Variants in GULP1 observed in about 807,000 individuals in gnomAD.
GULP1 encodes the protein PTB domain-containing engulfment adapter protein 1.
GULP1 carries 19 observed loss-of-function variants against 40.9 expected under a neutral mutation model. That is an observed-to-expected ratio of 0.46 (90% confidence interval 0.32 to 0.68). GULP1 has a LOEUF of 0.68. GULP1 is among the 30% of genes least tolerant of loss of function. The pLI is 0.03. For synonymous variants in GULP1, 119 were observed against 117.6 expected (o/e 1.01, Z -0.08); for missense variants, 312 against 362.2 (o/e 0.86, Z 1.12).
At chr2:188,563,443 A>C (rs1163939830) in intron 7 of GULP1, among the ~76,000 whole-genome samples, 1 of 150,880 alleles carries the variant, frequency 6.6e-6, no homozygotes, top group Non-Finnish European at 1.5e-5. Flanking sequence ...TACCAAATTG[A>C]CAGAAAAGAA....
rs962479903 is a variant in GULP1 at position 188,595,487 on chromosome 2, A to G, written c.*1476A>G. 8 of 152,104 alleles carry G rather than the reference A, an allele frequency of 5.3e-5. No homozygotes were observed. The highest frequency in any genetic ancestry group is 2.0e-4 in the Admixed American group (3 of 15,182). The allele number at this position is 152,104 out of a possible 1,614,324, so 9.4% of individuals were successfully genotyped here. A position where few individuals can be genotyped will look rare whatever the true frequency, so the allele number is the denominator to read the frequency against. On this transcript the variant is annotated 3_prime_UTR_variant, in exon 12 of 12. Transcript: ENST00000409830. Reference sequence around the variant, plus strand: ...CTTGTTTAGTTTCTTTTATCTGCTAAGTTGTACCTTAATTAGAGGGCAATA... The same window carrying G: ...CTTGTTTAGTTTCTTTTATCTGCTAGGTTGTACCTTAATTAGAGGGCAATA...
chr2:188,322,810 A>G (rs2040182057), intron 1 of GULP1, among the ~76,000 whole-genome samples: 1 of 152,030 alleles, frequency 6.6e-6, no homozygotes, highest in Admixed American at 6.6e-5. Context: ...TTGGCCTTCA[A>G]TACCTCTTGC....
At chr2:188,488,127 A>G (rs1253541199) in intron 4 of GULP1, among the ~76,000 whole-genome samples, 1 of 152,038 alleles carries the variant, frequency 6.6e-6, no homozygotes, top group Admixed American at 6.6e-5. Context: ...CCTGCCCAAT[A>G]GTAATCCTAG....
intron 2 of GULP1, among the ~76,000 whole-genome samples, chr2:188,385,425 A>AT (rs1559177509): frequency 6.6e-6 from 1 of 151,868 alleles, no homozygotes; most frequent in African/African-American, 2.4e-5. Context: ...CCAGGAAATC[A>AT]TTTTTTCCTC....
In GULP1 at chr2:188,536,586, A is replaced by G. The variant is rs146750221; in HGVS notation, c.262-4595A>G. 8.4e-3 allele frequency among the ~76,000 whole-genome samples: 1,285 copies of G among 152,080 alleles called. 24 individuals carry two copies. The highest frequency in any genetic ancestry group is 0.03 in the African/African-American group (1,230 of 41,534). Reference sequence around the variant, plus strand: ...CCAGTACCATGCTTTTTTGGTTACTATAGCCTTATAGTACAGTCATCGGGT... The same window carrying G: ...CCAGTACCATGCTTTTTTGGTTACTGTAGCCTTATAGTACAGTCATCGGGT... On this transcript the variant is annotated intron_variant, in intron 6 of 11. Coordinates refer to ENST00000409830, the MANE Select transcript of GULP1 (RefSeq NM_016315.4).
chr2:188,428,552 G>A (rs769878660), intron 2 of GULP1, among the ~76,000 whole-genome samples: 1 of 152,088 alleles, frequency 6.6e-6, no homozygotes, highest in Non-Finnish European at 1.5e-5. Context: ...TTTTTCACAA[G>A]AGCTGGTTGT....
chr2:188,446,792 G>A (rs1215631834), intron 2 of GULP1, among the ~76,000 whole-genome samples: 1 of 152,172 alleles, frequency 6.6e-6, no homozygotes, highest in African/African-American at 2.4e-5. Flanking sequence ...TAATGATGTA[G>A]TGGTATTTCT....
chr2:188,578,841 A>G (rs889295912), intron 9 of GULP1, among the ~76,000 whole-genome samples: 1 of 152,110 alleles, frequency 6.6e-6, no homozygotes, highest in African/African-American at 2.4e-5. Context: ...CCAAAATAAA[A>G]TTCCTCAAAC....
chr2:188,540,436 A>ATATC (rs386392111), intron 6 of GULP1, among the ~76,000 whole-genome samples: 1 of 149,614 alleles, frequency 6.7e-6, no homozygotes, highest in African/African-American at 2.5e-5. Flanking sequence ...ATAATTTAAT[A>ATATC]TGTGTGTGTG....
intron 1 of GULP1, among the ~76,000 whole-genome samples, chr2:188,328,316 G>A (rs2041048847): frequency 6.6e-6 from 1 of 151,942 alleles, no homozygotes; most frequent in Non-Finnish European, 1.5e-5. Flanking sequence ...TTCCCTTTCA[G>A]GAAAATGAAG....
chr2:188,383,933 A>C (rs2049326289), intron 2 of GULP1, 44 bp downstream of exon 2: 1 of 152,158 alleles, frequency 6.6e-6, no homozygotes, highest in South Asian at 2.1e-4. Context: ...TATTTCCAAA[A>C]AGGACTTGAA....
chr2:188,392,785 C>T (rs951785577), intron 2 of GULP1, among the ~76,000 whole-genome samples: 4 of 151,848 alleles, frequency 2.6e-5, no homozygotes, highest in African/African-American at 7.2e-5. Flanking sequence ...TAACTTATGT[C>T]GCTATTATGC....
At chr2:188,454,811 C>G (rs1467824787) in intron 2 of GULP1, among the ~76,000 whole-genome samples, 1 of 152,154 alleles carries the variant, frequency 6.6e-6, no homozygotes, top group Non-Finnish European at 1.5e-5. Flanking sequence ...TACCTCTTAT[C>G]TATGTCAGAA....
intron 7 of GULP1, among the ~76,000 whole-genome samples, chr2:188,548,340 A>T (rs889076887): frequency 1.3e-5 from 2 of 152,108 alleles, no homozygotes; most frequent in African/African-American, 4.8e-5. Context: ...GAACATATGG[A>T]TACAGAAATT....
At chr2:188,543,975 T>C (rs778832719) in intron 7 of GULP1, among the ~76,000 whole-genome samples, 4 of 152,130 alleles carry the variant, frequency 2.6e-5, no homozygotes, top group Non-Finnish European at 5.9e-5. Context: ...TAGTCCTCCT[T>C]CTTCCATGGT....
At position 188,446,207 on chromosome 2, in the gene GULP1, A is replaced by G. The variant is rs149250146; in HGVS notation, c.-44-31452A>G. Among the ~76,000 whole-genome samples the G allele has an allele frequency of 4.1e-3, 631 of 152,228 alleles. 7 individuals carry two copies. Among genetic ancestry groups the G allele is most frequent in the African/African-American group, 0.015 (607 of 41,544 alleles). On this transcript the variant is annotated intron_variant, in intron 2 of 11. Coordinates refer to ENST00000409830, the MANE Select transcript of GULP1 (RefSeq NM_016315.4). ...ACCTGCATTTATATATGATTACCTA[A>G]ATAGAGACAGCCAACTTGTGACTGT...
intron 2 of GULP1, chr2:188,384,173 A>G (rs956300196): frequency 6.6e-6 from 1 of 152,182 alleles, no homozygotes. Context: ...TTTTCATGCA[A>G]CTGATAAAGA....
At chr2:188,588,225 A>G (rs913667682) in intron 11 of GULP1, 4 of 392,390 alleles carry the variant, frequency 1.0e-5, no homozygotes, top group Non-Finnish European at 1.9e-5. Flanking sequence ...CTAATGGTTC[A>G]TTGTTCTGAA....
chr2:188,411,755 A>G (rs922839277), intron 2 of GULP1, among the ~76,000 whole-genome samples: 3 of 152,218 alleles, frequency 2.0e-5, no homozygotes, highest in African/African-American at 2.4e-5. Context: ...ATGAATCAGT[A>G]TATAATCACA....
Sources: gnomAD v4.1 joint callset for allele counts (sites outside exome capture counted in the v4.1 genomes callset) on GRCh38, gnomAD v4.1.1 for gene constraint, MANE v1.5 for transcripts, NCBI Gene and HGNC (gene_info 2026-07-23, HGNC 2026-07-21) for gene names.